The following RARB variants were observed in gnomAD, a reference collection of about 807,000 sequenced individuals.
The protein encoded by RARB is HBV-activated protein.
Under a neutral mutation model 51.9 loss-of-function variants are expected in RARB, and 17 were observed. That is an observed-to-expected ratio of 0.33 (90% CI 0.22 to 0.49). The LOEUF (loss-of-function observed/expected upper bound fraction) is 0.49, where lower values mean the gene tolerates loss of function less well. Ranked by LOEUF, RARB falls within the 20% of genes least tolerant of loss-of-function variation. The probability of loss-of-function intolerance (pLI) is 0.99; values close to 1 mark genes in which losing one functional copy is unlikely to be tolerated. For missense variants in RARB, 369 were observed against 550.8 expected (o/e 0.67, Z 3.30); for synonymous variants, 215 against 195.4 (o/e 1.10, Z -0.84).
intron 3 of RARB, among the ~76,000 whole-genome samples, chr3:25,094,673 T>C (rs1352628349): frequency 8.4e-6 from 1 of 119,684 alleles, no homozygotes; most frequent in Non-Finnish European, 1.6e-5. Context: ...ATCAAGATCA[T>C]GCCATTGCAC....
At chr3:25,204,894 C>T (rs1331618558) in intron 5 of RARB, among the ~76,000 whole-genome samples, 2 of 152,158 alleles carry the variant, frequency 1.3e-5, no homozygotes, top group Non-Finnish European at 2.9e-5. Context: ...GAGGAGGCAG[C>T]CTGTTCATTC....
chr3:25,086,452 T>C (rs1161229720), intron 3 of RARB, among the ~76,000 whole-genome samples: 1 of 152,152 alleles, frequency 6.6e-6, no homozygotes, highest in Non-Finnish European at 1.5e-5. Context: ...TTTTTTAACT[T>C]ATGAAGAGTT....
intron 5 of RARB, among the ~76,000 whole-genome samples, chr3:25,273,045 T>A (rs1013011014): frequency 1.3e-5 from 2 of 152,284 alleles, no homozygotes; most frequent in East Asian, 3.9e-4. Flanking sequence ...ACATTCCCCA[T>A]AAGCTGATAG....
At chr3:25,146,519 T>TTTTTTA (rs1700195954) in intron 4 of RARB, among the ~76,000 whole-genome samples, 1 of 146,968 alleles carries the variant, frequency 6.8e-6, no homozygotes, top group Non-Finnish European at 1.5e-5. Flanking sequence ...TTGTTTTTTT[T>TTTTTTA]TTTTTGAGAC....
chr3:25,032,203 G>A (rs1294743081), intron 2 of RARB, among the ~76,000 whole-genome samples: 1 of 152,134 alleles, frequency 6.6e-6, no homozygotes, highest in Non-Finnish European at 1.5e-5. Flanking sequence ...CATTAAAATT[G>A]GATTATAAAA....
At chr3:25,058,120 GTTAA>G (rs975400513) in intron 2 of RARB, among the ~76,000 whole-genome samples, 1 of 151,862 alleles carries the variant, frequency 6.6e-6, no homozygotes, top group Non-Finnish European at 1.5e-5. Flanking sequence ...TTGCCATTTG[GTTAA>G]TTATGTTTGG....
chr3:25,506,149 A>G (rs1021866728), intron 3 of RARB, among the ~76,000 whole-genome samples: 4 of 149,822 alleles, frequency 2.7e-5, no homozygotes, highest in Non-Finnish European at 5.9e-5. Context: ...GCTACTCAGG[A>G]GGCCAAGGCA....
chr3:25,133,263 A>G (rs896362071), intron 4 of RARB, among the ~76,000 whole-genome samples: 3 of 151,944 alleles, frequency 2.0e-5, no homozygotes, highest in African/African-American at 4.8e-5. Context: ...TTACTTTTCA[A>G]TTCAGAATCA....
chr3:25,159,961 C>A lies in RARB; in HGVS notation c.-279-14158C>A, dbSNP rs146551183. ...CTACCCATTCTTTCTCCTCCCAACTCTCTTGAAAACCACAGGCTAATTAAG... is the reference window on the plus strand; with the variant it reads ...CTACCCATTCTTTCTCCTCCCAACTATCTTGAAAACCACAGGCTAATTAAG... On this transcript the variant is annotated intron_variant, in intron 4 of 11. Transcript: ENST00000383772. Among the ~76,000 whole-genome samples the A allele has an allele frequency of 2.1e-3, 319 of 152,288 alleles. 2 individuals are homozygous for A. Among genetic ancestry groups the A allele is most frequent in the East Asian group, 0.021 (107 of 5,170 alleles).
At position 25,296,607 on chromosome 3, in the gene RARB, T is replaced by C. The variant is rs1450377399; in HGVS notation, c.178+122032T>C. 1.5e-4 allele frequency among the ~76,000 whole-genome samples: 23 copies of C among 152,264 alleles called. No individual in the cohort carries two copies. The East Asian group carries it at 1.5e-3, about 10-fold the overall frequency. ...TTGTAATTATTCAGTGGTAAAGGTC[T>C]GGCAGAGAAAGAATGAAATTATCTG... is the stretch of plus-strand genomic sequence containing the variant. On this transcript the variant is annotated intron_variant, in intron 5 of 11. Coordinates refer to the RARB transcript ENST00000383772.
rs150192027 is a variant in RARB, at chr3:25,028,399, C to T, written c.-379-31726C>T. Among the ~76,000 whole-genome samples, 1,231 of 152,286 alleles carry T rather than the reference C, an allele frequency of 8.1e-3. 7 individuals carry two copies. Among genetic ancestry groups the T allele is most frequent in the Middle Eastern group, 0.027 (8 of 294 alleles). ...TCCCAAAGTGAAGTCCCTGGACCAG[C>T]AGTATCAGTGTCACCTGGGAACTTG... On this transcript the variant is annotated intron_variant, in intron 2 of 11. Transcript: ENST00000383772.
intron 5 of RARB, among the ~76,000 whole-genome samples, chr3:25,344,920 G>T (rs538884797): frequency 2.2e-4 from 33 of 151,022 alleles, no homozygotes; most frequent in Non-Finnish European, 3.5e-4. Context: ...TCATTCTCAT[G>T]CACGGTCTCT....
chr3:25,228,683 A>G (rs1391773782), intron 5 of RARB, among the ~76,000 whole-genome samples: 1 of 152,144 alleles, frequency 6.6e-6, no homozygotes, highest in Non-Finnish European at 1.5e-5. Context: ...AACCATGTGC[A>G]GGTGGCATAT....
At chr3:25,414,687 G>T (rs774619126) in intron 5 of RARB, among the ~76,000 whole-genome samples, 1 of 152,096 alleles carries the variant, frequency 6.6e-6, no homozygotes, top group Non-Finnish European at 1.5e-5. Context: ...GTTCAGCATT[G>T]TTTCATAGGT....
chr3:25,472,215 A>G (rs1232451012), intron 2 of RARB, among the ~76,000 whole-genome samples: 1 of 152,176 alleles, frequency 6.6e-6, no homozygotes, highest in Non-Finnish European at 1.5e-5. Flanking sequence ...TCTCTTCTCC[A>G]CACAGTGATT....
chr3:25,374,523 C>G (rs957614984), intron 5 of RARB, among the ~76,000 whole-genome samples: 3 of 152,040 alleles, frequency 2.0e-5, no homozygotes, highest in Non-Finnish European at 4.4e-5. Context: ...GTGAGCTACC[C>G]CCACAGAAGT....
At chr3:25,081,325 G>A (rs920713378) in intron 3 of RARB, among the ~76,000 whole-genome samples, 9 of 151,486 alleles carry the variant, frequency 5.9e-5, no homozygotes, top group Non-Finnish European at 2.9e-5. Flanking sequence ...TTTGTTTTAT[G>A]ACCCAGCATA....
chr3:24,962,227 C>A (rs1238924555), intron 2 of RARB, among the ~76,000 whole-genome samples: 1 of 150,776 alleles, frequency 6.6e-6, no homozygotes, highest in South Asian at 2.1e-4. Context: ...CCTCGCCCGG[C>A]CCCTTTGGGT....
intron 5 of RARB, among the ~76,000 whole-genome samples, chr3:25,212,927 C>T (rs901850695): frequency 1.3e-5 from 2 of 152,284 alleles, no homozygotes; most frequent in African/African-American, 4.8e-5. Context: ...AACTAGGCCA[C>T]GGACGGGAAG....
Sources: allele counts gnomAD v4.1 joint callset (sites outside exome capture counted in the v4.1 genomes callset), GRCh38; gene constraint gnomAD v4.1.1; transcripts MANE v1.5; gene names NCBI Gene and HGNC (gene_info 2026-07-23, HGNC 2026-07-21).